LDLRAD4: variants seen among roughly 807,000 people sequenced by gnomAD.
LDLRAD4 encodes low density lipoprotein receptor class A domain containing 4.
Under a neutral mutation model 17.0 loss-of-function variants are expected in LDLRAD4, and 5 were observed. The ratio of observed to expected loss-of-function variants is 0.29; its 90% confidence interval spans 0.15 to 0.62. LDLRAD4 has a LOEUF of 0.62. Ranked by LOEUF, LDLRAD4 falls within the 20% of genes least tolerant of loss-of-function variation. The probability of loss-of-function intolerance (pLI) is 0.84; values close to 1 mark genes in which losing one functional copy is unlikely to be tolerated. For synonymous variants in LDLRAD4, 168 were observed against 171.8 expected, an observed-to-expected ratio of 0.98 and a Z score of 0.17; for missense variants, 340 against 424.7, an observed-to-expected ratio of 0.80 and a Z score of 1.75.
At chr18:13,309,168 G>C (rs1041308441) in intron 1 of LDLRAD4, among the ~76,000 whole-genome samples, 9 of 152,242 alleles carry the variant, frequency 5.9e-5, no homozygotes, top group African/African-American at 2.2e-4. Context: ...GCAGAGGCCT[G>C]TGAGCGACCC....
intron 3 of LDLRAD4, among the ~76,000 whole-genome samples, chr18:13,446,800 G>A (rs1439564098): frequency 6.6e-6 from 1 of 152,250 alleles, no homozygotes; most frequent in East Asian, 1.9e-4. Flanking sequence ...GCCACATGTG[G>A]GCTTTTAGCC....
At chr18:13,305,202 GT>G (rs752999506) in intron 1 of LDLRAD4, among the ~76,000 whole-genome samples, 6 of 152,220 alleles carry the variant, frequency 3.9e-5, no homozygotes, top group Non-Finnish European at 8.8e-5. Flanking sequence ...ATGCGTACCT[GT>G]TATAAAAAGT....
chr18:13,305,283 C>T (rs193079918), intron 1 of LDLRAD4, among the ~76,000 whole-genome samples: 17 of 152,232 alleles, frequency 1.1e-4, no homozygotes, highest in East Asian at 1.9e-4. Context: ...AGAAATGTAA[C>T]GCAAACACAA....
chr18:13,438,284 T>C (rs762801340), exon 3 of LDLRAD4: 1 of 1,614,022 alleles, frequency 6.2e-7, no homozygotes, highest in South Asian at 1.1e-5. Flanking sequence ...GCTTGTATCT[T>C]GGTTCGCTGG....
At chr18:13,302,993 T>G (rs572760084) in intron 1 of LDLRAD4, among the ~76,000 whole-genome samples, 1 of 152,342 alleles carries the variant, frequency 6.6e-6, no homozygotes, top group Admixed American at 6.5e-5. Flanking sequence ...AGCTTTTGGT[T>G]CCTGCTTTTT....
chr18:13,243,944 CA>C (rs2042818033), intron 1 of LDLRAD4, among the ~76,000 whole-genome samples: 1 of 146,816 alleles, frequency 6.8e-6, no homozygotes, highest in Non-Finnish European at 1.5e-5. Flanking sequence ...TCCATCCACC[CA>C]CCCACCCATC....
chr18:13,472,444 T>G (rs2092804819), intron 3 of LDLRAD4: 1 of 152,254 alleles, frequency 6.6e-6, no homozygotes, highest in South Asian at 2.1e-4. Flanking sequence ...TTCTGTTCTG[T>G]GCTGCAAAAC....
intron 3 of LDLRAD4, among the ~76,000 whole-genome samples, chr18:13,592,054 CCTT>C (rs2095036571): frequency 6.6e-6 from 1 of 152,170 alleles, no homozygotes; most frequent in South Asian, 2.1e-4. Flanking sequence ...ACATGTGTCA[CCTT>C]CTGAATTATA....
intron 3 of LDLRAD4, among the ~76,000 whole-genome samples, chr18:13,580,354 G>A (rs964404284): frequency 3.3e-5 from 5 of 152,196 alleles, no homozygotes; most frequent in African/African-American, 4.8e-5. Flanking sequence ...TGACCTTTTC[G>A]TCATCTCAAA....
At chr18:13,639,604 A>T (rs1027185179) in intron 4 of LDLRAD4, among the ~76,000 whole-genome samples, 1 of 152,146 alleles carries the variant, frequency 6.6e-6, no homozygotes. Flanking sequence ...CAGTCTTCCC[A>T]TCTGGGTTTT....
exon 2 of LDLRAD4, chr18:13,387,525 G>T: frequency 1.9e-6 from 1 of 526,002 alleles, no homozygotes; most frequent in Non-Finnish European, 3.4e-6. Flanking sequence ...AGCAGGGACC[G>T]CCGCCGCCCA....
At chr18:13,319,671 T>G (rs182765628) in intron 1 of LDLRAD4, among the ~76,000 whole-genome samples, 3 of 152,278 alleles carry the variant, frequency 2.0e-5, no homozygotes, top group Non-Finnish European at 4.4e-5. Context: ...TCCTTTTAAA[T>G]AAACTTATTT....
chr18:13,272,704 A>G (rs2146145927), intron 1 of LDLRAD4, among the ~76,000 whole-genome samples: 1 of 152,354 alleles, frequency 6.6e-6, no homozygotes, highest in East Asian at 1.9e-4. Context: ...GGCATTATGC[A>G]GCCTGTAGGA....
At chr18:13,629,784 A>C (rs1433898339) in intron 4 of LDLRAD4, among the ~76,000 whole-genome samples, 1 of 151,846 alleles carries the variant, frequency 6.6e-6, no homozygotes, top group Non-Finnish European at 1.5e-5. Context: ...TCTGAAAAAA[A>C]AAAAGAGAAG....
At chr18:13,318,454 G>GT (rs2081047845) in intron 1 of LDLRAD4, among the ~76,000 whole-genome samples, 1 of 152,084 alleles carries the variant, frequency 6.6e-6, no homozygotes, top group Non-Finnish European at 1.5e-5. Context: ...TAGAGACGGG[G>GT]TTTTACCATA....
At chr18:13,554,572 C>T (rs780616737) in intron 3 of LDLRAD4, among the ~76,000 whole-genome samples, 3 of 152,152 alleles carry the variant, frequency 2.0e-5, no homozygotes, top group Admixed American at 2.0e-4. Flanking sequence ...TACCTACACA[C>T]CTAAGACTCG....
At chr18:13,304,501 A>C (rs2046795703) in intron 1 of LDLRAD4, among the ~76,000 whole-genome samples, 1 of 152,108 alleles carries the variant, frequency 6.6e-6, no homozygotes, top group Non-Finnish European at 1.5e-5. Context: ...AGTCCCCAGC[A>C]TGCTGTCGCA....
intron 3 of LDLRAD4, among the ~76,000 whole-genome samples, chr18:13,572,136 G>A (rs904226815): frequency 1.3e-5 from 2 of 152,184 alleles, no homozygotes; most frequent in African/African-American, 4.8e-5. Flanking sequence ...AGCGTTACCC[G>A]AGGACTTGCT....
intron 3 of LDLRAD4, among the ~76,000 whole-genome samples, chr18:13,603,014 A>G (rs1051327817): frequency 1.3e-5 from 2 of 152,184 alleles, no homozygotes; most frequent in African/African-American, 4.8e-5. Context: ...GTGAAAAAGA[A>G]AAGTGTTGAG....
Sources: allele counts gnomAD v4.1 joint callset (sites outside exome capture counted in the v4.1 genomes callset), GRCh38; gene constraint gnomAD v4.1.1; transcripts MANE v1.5; gene names NCBI Gene and HGNC (gene_info 2026-07-23, HGNC 2026-07-21).